The following CASC3 variants were observed in gnomAD, a reference collection of about 807,000 sequenced individuals.
CASC3 encodes the protein CASC3 exon junction complex subunit.
A neutral mutation model predicts 80.5 loss-of-function variants in CASC3; 30 were observed. The observed-to-expected ratio is 0.37, with a 90% CI of 0.28 to 0.51. The LOEUF (loss-of-function observed/expected upper bound fraction) is 0.51, where lower values mean the gene tolerates loss of function less well. Ranked by LOEUF, CASC3 falls within the 20% of genes least tolerant of loss-of-function variation. The probability of loss-of-function intolerance (pLI) is 0.94; values close to 1 mark genes in which losing one functional copy is unlikely to be tolerated. For synonymous variants in CASC3, 312 were observed against 333.6 expected (o/e 0.94, Z 0.70); for missense variants, 824 against 922.2 (o/e 0.89, Z 1.38).
rs1442292743 is a variant in CASC3 at position 40,168,651 on chromosome 17, C to T, written c.1965+234C>T. ...GTTGCCCAGGCTTGGAGTGCAGTGG[C>T]GTGATCTCGGTTCACTGTAACCTCC... On this transcript the variant is annotated intron_variant, in intron 11 of 13. Transcript: ENST00000264645. The T allele has an allele frequency of 6.3e-6, 3 of 479,174 alleles. No individual in the cohort carries two copies. In the East Asian group the frequency reaches 1.2e-4, roughly 20 times the overall value. The allele number at this position is 479,174 out of a possible 1,614,324, so 29.7% of individuals were successfully genotyped here.
chr17:40,141,115 G>T (rs1988703888), intron 1 of CASC3, 92 bp from the exon 2 acceptor site: 2 of 1,198,526 alleles, frequency 1.7e-6, no homozygotes, highest in Admixed American at 1.7e-5. Context: ...ACCATTTTGT[G>T]CTGAATCTTC....
intron 3 of CASC3, among the ~76,000 whole-genome samples, chr17:40,156,296 G>T (rs1989143550): frequency 6.6e-6 from 1 of 152,156 alleles, no homozygotes; most frequent in Non-Finnish European, 1.5e-5. Flanking sequence ...TATAGGTAAA[G>T]GCTTGATTCT....
At chr17:40,152,991 G>A (rs1237600129) in intron 3 of CASC3, among the ~76,000 whole-genome samples, 2 of 151,736 alleles carry the variant, frequency 1.3e-5, no homozygotes, top group Non-Finnish European at 2.9e-5. Flanking sequence ...TGCCCAGGCT[G>A]GTCTCGAACT....
chr17:40,166,827 G>A lies in CASC3; in HGVS notation c.1502G>A (p.Gly501Glu). ...GMPNHIHMGA[G>E]PPPQFNRMEE... ...CCCAACCATATACACATGGGAGCAGGACCTCCACCTCAGTTTAACCGGATG... is the reference window on the plus strand; with the variant it reads ...CCCAACCATATACACATGGGAGCAGAACCTCCACCTCAGTTTAACCGGATG... The change falls in exon 8 of 14, where the codon GGA becomes GAA. Residue 501 changes from glycine (G) to glutamate (E), a missense_variant. This residue lies in a region of CASC3 where 464 missense variants were observed against 506.0 expected (regional missense o/e 0.92). Transcript: ENST00000264645. The A allele has an allele frequency of 6.2e-7, 1 of 1,606,276 alleles. No homozygotes were observed. The highest frequency in any genetic ancestry group is 1.1e-5 in the South Asian group (1 of 89,268).
At chr17:40,165,892 A>C (rs571171695) in intron 7 of CASC3, among the ~76,000 whole-genome samples, 21 of 151,146 alleles carry the variant, frequency 1.4e-4, no homozygotes, top group Non-Finnish European at 2.7e-4. Context: ...CAGCCTCCTC[A>C]GTAGCTAAGA....
chr17:40,144,682 A>T (rs1400314573), intron 3 of CASC3, among the ~76,000 whole-genome samples: 4 of 135,616 alleles, frequency 2.9e-5, no homozygotes, highest in Admixed American at 7.3e-5. Flanking sequence ...TTTTTTTTTA[A>T]AAAAGAGGCA....
chr17:40,158,494 T>C (rs1989207274), intron 3 of CASC3, among the ~76,000 whole-genome samples: 1 of 152,182 alleles, frequency 6.6e-6, no homozygotes, highest in South Asian at 2.1e-4. Context: ...GGTCCAAATC[T>C]GGGGAGGACA....
In CASC3 at chr17:40,166,900, C is replaced by T. The variant is rs200411531; in HGVS notation, c.1536+39C>T. The T allele has an allele frequency of 9.8e-4, 1,384 of 1,405,126 alleles. 5 individuals carry two copies. The highest frequency in any genetic ancestry group is 6.6e-4 in the Non-Finnish European group (670 of 1,010,628). The allele number at this position is 1,405,126 out of a possible 1,614,324, so 87.0% of individuals were successfully genotyped here. ...AAGGGGTAGATGGGGGAGGGAGCTG[C>T]CTGTTACACAGCTTGTTCATTGTTT... On this transcript the variant is annotated intron_variant, in intron 8 of 13. Transcript: ENST00000264645.
intron 3 of CASC3, among the ~76,000 whole-genome samples, chr17:40,156,486 A>T (rs919507321): frequency 6.6e-6 from 1 of 152,070 alleles, no homozygotes; most frequent in Non-Finnish European, 1.5e-5. Context: ...GGAGATCGAG[A>T]CCATCCTGGC....
At position 40,167,566 on chromosome 17, in the gene CASC3, C is replaced by G; in HGVS notation, c.1605C>G (p.Ala535=). Residue 535 remains alanine, a synonymous_variant, in exon 9 of 14, where the codon GCC becomes GCG. Transcript: ENST00000264645. ...QRQRPVPEPP[A]PPVHISIMEG... is the part of the protein sequence containing the mutation. ...AAAGACCTGTGCCAGAGCCCCCCGC[C>G]CCTCCAGTGCATATCAGTATCATGG... 1 of 1,614,068 alleles carries G rather than the reference C, an allele frequency of 6.2e-7. No homozygotes were observed. The highest frequency in any genetic ancestry group is 8.5e-7 in the Non-Finnish European group (1 of 1,179,984).
In CASC3 at chr17:40,141,460, C is replaced by T. The variant is rs1010915621; in HGVS notation, c.260-110C>T. On this transcript the variant is annotated intron_variant, in intron 2 of 13. Coordinates refer to ENST00000264645, the MANE Select transcript of CASC3 (RefSeq NM_007359.5). ...TAAGTGGGGACTATAATTTTATCCA[C>T]GTTGTAGGTTGATGTCAGAATTAAA... is the stretch of plus-strand genomic sequence containing the variant. 9 of 972,976 alleles carry T rather than the reference C, an allele frequency of 9.2e-6. No individual in the cohort carries two copies. In the East Asian group the frequency reaches 1.2e-4, roughly 13 times the overall value. The allele number at this position is 972,976 out of a possible 1,614,324, so 60.3% of individuals were successfully genotyped here.
At chr17:40,154,029 A>G (rs1318322972) in intron 3 of CASC3, among the ~76,000 whole-genome samples, 1 of 146,178 alleles carries the variant, frequency 6.8e-6, no homozygotes, top group Non-Finnish European at 1.5e-5. Flanking sequence ...AGCCGATTTG[A>G]TTCTAGATGT....
At chr17:40,157,342 C>CAAATAAAT (rs748174698) in intron 3 of CASC3, among the ~76,000 whole-genome samples, 25 of 146,070 alleles carry the variant, frequency 1.7e-4, no homozygotes, top group South Asian at 1.3e-3. Context: ...GACTCCGTCT[C>CAAATAAAT]AAATAAATAA....
At chr17:40,158,516 G>A (rs754713913) in intron 3 of CASC3, among the ~76,000 whole-genome samples, 5 of 152,146 alleles carry the variant, frequency 3.3e-5, no homozygotes, top group Non-Finnish European at 5.9e-5. Flanking sequence ...GGAGAGGAGA[G>A]TAACCCTATT....
intron 3 of CASC3, among the ~76,000 whole-genome samples, chr17:40,161,347 T>C (rs1373568143): frequency 6.6e-6 from 1 of 152,178 alleles, no homozygotes; most frequent in Non-Finnish European, 1.5e-5. Flanking sequence ...TTCTATGTTG[T>C]ACTAAAAATT....
At chr17:40,154,105 GTTTT>G (rs548654217) in intron 3 of CASC3, among the ~76,000 whole-genome samples, 1 of 76,768 alleles carries the variant, frequency 1.3e-5, no homozygotes, top group Non-Finnish European at 2.5e-5. Flanking sequence ...GATGCTGAGC[GTTTT>G]TTTTTTTTTT....
Position 40,145,164 on chromosome 17 carries a change from T to TTTTTG in CASC3, c.297+3577_297+3581dup, listed in dbSNP as rs530724959. Among the ~76,000 whole-genome samples the TTTTTG allele has an allele frequency of 1.6e-4, 22 of 138,530 alleles. No individual in the cohort carries two copies. In the South Asian group the frequency reaches 2.1e-3, roughly 13 times the overall value. 90.9% of individuals were successfully genotyped at this position (138,530 alleles called of 152,430 possible). A position where few individuals can be genotyped will look rare whatever the true frequency, so the allele number is the denominator to read the frequency against. ...GCATGAGCCACCGTGCCCCCCATTT[T>TTTTTG]TTTTGTTTTGTTTTGTTTTGTTTTT... On this transcript the variant is annotated intron_variant, in intron 3 of 13. Transcript: ENST00000264645.
chr17:40,166,940 TC>T, intron 8 of CASC3, 79 bp downstream of exon 8: 2 of 1,021,184 alleles, frequency 2.0e-6, no homozygotes, highest in Non-Finnish European at 2.9e-6. Flanking sequence ...CAAGATAAGG[TC>T]TTTTTTTTTT....
chr17:40,161,026 C>A (rs1989283403), intron 3 of CASC3, among the ~76,000 whole-genome samples: 1 of 151,936 alleles, frequency 6.6e-6, no homozygotes, highest in African/African-American at 2.4e-5. Context: ...GTCGCCCAGG[C>A]TGAAGTGCAG....
Sources: gnomAD v4.1 joint callset for allele counts (sites outside exome capture counted in the v4.1 genomes callset) on GRCh38, gnomAD v4.1.1 for gene constraint, gnomAD v4.1.1 regional missense constraint, MANE v1.5 for transcripts, NCBI Gene and HGNC (gene_info 2026-07-23, HGNC 2026-07-21) for gene names.